Variants in NSD1 observed in about 807,000 individuals in gnomAD.
NSD1 encodes nuclear receptor binding SET domain protein 1.
Under a neutral mutation model 242.7 loss-of-function variants are expected in NSD1, and 26 were observed. The observed-to-expected ratio is 0.11, with a 90% CI of 0.08 to 0.15. NSD1 has a LOEUF of 0.15. Among genes scored for constraint, NSD1 ranks in the 10% least tolerant of loss-of-function variants. The pLI is 1.00. For synonymous variants in NSD1, 1,106 were observed against 1,178.1 expected (o/e 0.94, Z 1.25); for missense variants, 2,495 against 3,272.8 (o/e 0.76, Z 5.80).
At position 177,295,233 on chromosome 5, in the gene NSD1, A is replaced by G. The variant is rs1351458409; in HGVS notation, c.7865A>G (p.Gln2622Arg). 1.2e-6 allele frequency: 2 copies of G among 1,614,244 alleles called. No individual in the cohort carries two copies. Among genetic ancestry groups the G allele is most frequent in the East Asian group, 4.5e-5 (2 of 44,884 alleles). ...GAAAAGAAGTTGGTAACCACAGAGC[A>G]AAGTCCCTGGGCCCTGGGAAAAGCC... Reference protein sequence around the residue: ...TEEKKLVTTEQSPWALGKASS... With the variant: ...TEEKKLVTTERSPWALGKASS... The change falls in exon 23 of 23, where the codon CAA (glutamine) becomes CGA (arginine). Residue 2622 changes from glutamine (Q) to arginine (R), a missense_variant. Gln to Arg is a conservative substitution (Grantham distance 43). Around this residue, in one of 19 missense-constraint regions of NSD1, gnomAD observed 475 missense variants for 563.7 expected, o/e 0.84. Coordinates refer to ENST00000439151, the MANE Select transcript of NSD1 (RefSeq NM_022455.5). This position sits in a 1 kb window ranked among gnomAD's most constrained non-coding sequence, Gnocchi z 4.3.
chr5:177,174,455 G>A (rs1266095538), intron 2 of NSD1, among the ~76,000 whole-genome samples: 1 of 150,154 alleles, frequency 6.7e-6, no homozygotes, highest in African/African-American at 2.5e-5. Flanking sequence ...TCAGATGATC[G>A]CCTCCCACCT....
intron 2 of NSD1, among the ~76,000 whole-genome samples, chr5:177,162,023 C>T (rs748977631): frequency 5.9e-5 from 9 of 151,846 alleles, no homozygotes; most frequent in Non-Finnish European, 1.2e-4. Flanking sequence ...TGAGGCCGGG[C>T]GCTGTGGCTC....
intron 21 of NSD1, 152 bp from the exon 22 acceptor site, chr5:177,291,802 C>T: frequency 1.3e-6 from 1 of 751,702 alleles, no homozygotes; most frequent in African/African-American, 1.7e-5. Context: ...TGCTACGTAT[C>T]TGTGATGTAC....
Position 177,292,750 on chromosome 5 carries a change from T to G in NSD1, c.6463+592T>G, listed in dbSNP as rs555419076. On this transcript the variant is annotated intron_variant, in intron 22 of 22. Coordinates refer to ENST00000439151, the MANE Select transcript of NSD1 (RefSeq NM_022455.5). ...TACATGAGAAAGCTGCTCAGGTGGATGTGGTACCCAGGAAATTTGTAGTTG... is the reference window on the plus strand; with the variant it reads ...TACATGAGAAAGCTGCTCAGGTGGAGGTGGTACCCAGGAAATTTGTAGTTG... Among the ~76,000 whole-genome samples, 10 of 152,322 alleles carry G rather than the reference T, an allele frequency of 6.6e-5. No homozygotes were observed. In the East Asian group the frequency reaches 1.5e-3, roughly 23 times the overall value.
At chr5:177,204,627 T>C (rs973240014) in intron 4 of NSD1, among the ~76,000 whole-genome samples, 1 of 152,186 alleles carries the variant, frequency 6.6e-6, no homozygotes, top group Non-Finnish European at 1.5e-5. Flanking sequence ...TGTGAGCCAC[T>C]GTGCCTGGCC....
At chr5:177,182,371 C>T (rs1031000899) in intron 2 of NSD1, among the ~76,000 whole-genome samples, 8 of 152,160 alleles carry the variant, frequency 5.3e-5, no homozygotes, top group Admixed American at 4.6e-4. Flanking sequence ...TTCTGACCTT[C>T]AGCAAGCAGC....
At chr5:177,265,428 A>G in intron 14 of NSD1, 3 of 609,300 alleles carry the variant, frequency 4.9e-6, no homozygotes, top group South Asian at 4.1e-5. Flanking sequence ...AAAAACAGTC[A>G]TGATGTGCCC....
intron 5 of NSD1, among the ~76,000 whole-genome samples, chr5:177,214,079 T>C (rs552153006): frequency 5.9e-5 from 9 of 152,222 alleles, no homozygotes; most frequent in African/African-American, 2.2e-4. Context: ...CGCCTGTAAT[T>C]CCAGCACTCT....
Position 177,299,262 on chromosome 5 carries a change from C to T in NSD1, c.*3803C>T. 1 of 233,250 alleles carries T rather than the reference C, an allele frequency of 4.3e-6. No homozygotes were observed. Among genetic ancestry groups the T allele is most frequent in the East Asian group, 6.0e-5 (1 of 16,586 alleles). The allele number at this position is 233,250 out of a possible 1,614,324, so 14.4% of individuals were successfully genotyped here. Reference sequence around the variant, plus strand: ...TTGAGGGACTGGCAGCTCAAGAAACCCGGGTTCCTGTTTGGGAGGAGATTT... The same window carrying T: ...TTGAGGGACTGGCAGCTCAAGAAACTCGGGTTCCTGTTTGGGAGGAGATTT... On this transcript the variant is annotated 3_prime_UTR_variant, in exon 23 of 23. Transcript: ENST00000439151.
chr5:177,281,185 C>G (rs1758845367), intron 18 of NSD1, among the ~76,000 whole-genome samples: 1 of 152,128 alleles, frequency 6.6e-6, no homozygotes, highest in African/African-American at 2.4e-5. Context: ...ACTAATAAAA[C>G]ATTTTTAGTG....
intron 20 of NSD1, among the ~76,000 whole-genome samples, chr5:177,287,815 A>G (rs1042992115): frequency 6.6e-6 from 1 of 152,114 alleles, no homozygotes; most frequent in Non-Finnish European, 1.5e-5. Context: ...TAATTCTGCT[A>G]CTCCTACAGC....
chr5:177,151,996 G>A (rs970054672), intron 2 of NSD1, among the ~76,000 whole-genome samples: 4 of 151,996 alleles, frequency 2.6e-5, no homozygotes, highest in African/African-American at 4.8e-5. Context: ...GAGTAACTGG[G>A]ACCACAGGTG....
chr5:177,189,502 C>T (rs1761500666), intron 2 of NSD1, among the ~76,000 whole-genome samples: 1 of 152,140 alleles, frequency 6.6e-6, no homozygotes, highest in Non-Finnish European at 1.5e-5. Context: ...TGTCATAAAG[C>T]ATATAATAAT....
At position 177,280,718 on chromosome 5, in the gene NSD1, C is replaced by G. The variant is rs757822664; in HGVS notation, c.5776C>G (p.Pro1926Ala). Residue 1926 changes from proline to alanine, a missense_variant, in exon 18 of 23, where the codon CCT becomes GCT. By Grantham distance (27) the Pro-to-Ala change is conservative (BLOSUM62 -1). Coordinates refer to ENST00000439151, the MANE Select transcript of NSD1 (RefSeq NM_022455.5). ...CTATGAGTGCCACCCCACAGTGTGTCCTGCCGGAGGGCGCTGTCAAAACCA... is the reference window on the plus strand; with the variant it reads ...CTATGAGTGCCACCCCACAGTGTGTGCTGCCGGAGGGCGCTGTCAAAACCA... ...LLYECHPTVC[P>A]AGGRCQNQCF... 5 of 1,614,236 alleles carry G rather than the reference C, an allele frequency of 3.1e-6. No individual in the cohort carries two copies. The highest frequency in any genetic ancestry group is 2.2e-5 in the East Asian group (1 of 44,874).
intron 2 of NSD1, among the ~76,000 whole-genome samples, chr5:177,175,069 C>CT (rs1760078402): frequency 2.0e-5 from 3 of 151,838 alleles, no homozygotes; most frequent in African/African-American, 7.3e-5. Context: ...GACGGGGTTT[C>CT]ACCGTGTTAG....
In NSD1 at chr5:177,238,475, T is replaced by G; in HGVS notation, c.4160T>G (p.Leu1387Arg). The G allele has an allele frequency of 6.2e-7, 1 of 1,614,064 alleles. No individual in the cohort carries two copies. Among genetic ancestry groups the G allele is most frequent in the Non-Finnish European group, 8.5e-7 (1 of 1,180,030 alleles). The change falls in exon 7 of 23, where the codon CTT (leucine) becomes CGT (arginine). Residue 1387 changes from leucine (L) to arginine (R), a missense_variant. Leu to Arg is a moderately radical substitution (Grantham distance 102). Around this residue, in one of 19 missense-constraint regions of NSD1, gnomAD observed 100 missense variants for 190.7 expected, o/e 0.52. Coordinates refer to ENST00000439151, the MANE Select transcript of NSD1 (RefSeq NM_022455.5). This position sits in a 1 kb window ranked among gnomAD's most constrained non-coding sequence, Gnocchi z 4.6. Reference protein sequence around the residue: ...VAPEVSPRPALESEELLVKTP... With the variant: ...VAPEVSPRPARESEELLVKTP... Reference sequence around the variant, plus strand: ...CCGGAAGTCTCTCCACGGCCTGCCCTTGAGTCTGAGGAATTGCTAGTTAAA... The same window carrying G: ...CCGGAAGTCTCTCCACGGCCTGCCCGTGAGTCTGAGGAATTGCTAGTTAAA...
chr5:177,196,430 G>A (rs931770160), intron 3 of NSD1, among the ~76,000 whole-genome samples: 2 of 152,074 alleles, frequency 1.3e-5, no homozygotes, highest in Admixed American at 6.6e-5. Flanking sequence ...TGAAAATTGC[G>A]AATAGAAAAT....
At position 177,197,781 on chromosome 5, in the gene NSD1, G is replaced by A. The variant is rs192270509; in HGVS notation, c.1063+5762G>A. Among the ~76,000 whole-genome samples, 193 of 152,308 alleles carry A rather than the reference G, an allele frequency of 1.3e-3. 1 individual carries two copies. Among genetic ancestry groups the A allele is most frequent in the Middle Eastern group, 6.8e-3 (2 of 294 alleles). The stretch of plus-strand genomic sequence containing the variant: ...GGGACCACTGTAGTTTAAGGACGAT[G>A]TGGTCAATTTTGCTGAGTGTTGCCT... On this transcript the variant is annotated intron_variant, in intron 3 of 22. Transcript: ENST00000439151.
rs1490853855 is a variant in NSD1, at chr5:177,186,058, CAT to C, written c.928-5822_928-5821del. On this transcript the variant is annotated intron_variant, in intron 2 of 22. Coordinates refer to ENST00000439151, the MANE Select transcript of NSD1 (RefSeq NM_022455.5). ...TTTATATATATAATATATAATATAA[CAT>C]ATAATATATGTTATATATAATATAT... 8.4e-3 allele frequency among the ~76,000 whole-genome samples: 814 copies of C among 96,594 alleles called. 10 individuals carry two copies. The highest frequency in any genetic ancestry group is 0.03 in the African/African-American group (753 of 25,304). 63.4% of individuals were successfully genotyped at this position (96,594 alleles called of 152,430 possible). A position where few individuals can be genotyped will look rare whatever the true frequency, so the allele number is the denominator to read the frequency against.
Sources: gnomAD v4.1 joint callset for allele counts (sites outside exome capture counted in the v4.1 genomes callset) on GRCh38, gnomAD v4.1.1 for gene constraint, gnomAD v4.1.1 regional missense constraint, Gnocchi (gnomAD v3.1) non-coding constraint, MANE v1.5 for transcripts, NCBI Gene and HGNC (gene_info 2026-07-23, HGNC 2026-07-21) for gene names.